Variants in CCDC192 observed in about 807,000 individuals in gnomAD.
CCDC192 encodes the protein coiled-coil domain containing 192, also known as coiled-coil domain-containing protein 192.
chr5:127,883,911 C>T (rs569227808), intron 6 of CCDC192, among the ~76,000 whole-genome samples: 4 of 152,236 alleles, frequency 2.6e-5, no homozygotes, highest in South Asian at 2.1e-4. Flanking sequence ...GAGGCTGAAC[C>T]GCGGGCTTTC....
chr5:127,921,717 G>T (rs183113809), intron 6 of CCDC192, among the ~76,000 whole-genome samples: 1 of 152,238 alleles, frequency 6.6e-6, no homozygotes, highest in Admixed American at 6.5e-5. Context: ...AATTACTGTA[G>T]TGGCCATCCA....
chr5:127,861,324 T>G (rs1441379826), intron 5 of CCDC192, among the ~76,000 whole-genome samples: 1 of 150,680 alleles, frequency 6.6e-6, no homozygotes, highest in East Asian at 2.0e-4. Context: ...GGGTAGTTTT[T>G]GAAATAAAAA....
intron 5 of CCDC192, among the ~76,000 whole-genome samples, chr5:127,846,689 C>T (rs575423738): frequency 2.6e-5 from 4 of 151,984 alleles, no homozygotes; most frequent in South Asian, 4.2e-4. Context: ...AGGCTAGTCT[C>T]GAACTCCTGG....
At chr5:127,815,365 C>T (rs1165287172) in intron 5 of CCDC192, among the ~76,000 whole-genome samples, 5 of 152,114 alleles carry the variant, frequency 3.3e-5, no homozygotes, top group African/African-American at 1.2e-4. Flanking sequence ...CATTTAGGAG[C>T]AAGTGATCAA....
chr5:127,739,189 G>C (rs575964778), intron 2 of CCDC192, among the ~76,000 whole-genome samples: 1 of 152,036 alleles, frequency 6.6e-6, no homozygotes, highest in Non-Finnish European at 1.5e-5. Flanking sequence ...ATACCCTGCC[G>C]TGTGAGGTGT....
At chr5:127,816,231 C>T (rs1428893428) in intron 5 of CCDC192, among the ~76,000 whole-genome samples, 1 of 152,074 alleles carries the variant, frequency 6.6e-6, no homozygotes, top group Non-Finnish European at 1.5e-5. Context: ...TTAAACATTA[C>T]AAAGGGTTCA....
chr5:127,729,098 G>C (rs1031845735), intron 2 of CCDC192, among the ~76,000 whole-genome samples: 3 of 151,938 alleles, frequency 2.0e-5, no homozygotes, highest in Non-Finnish European at 4.4e-5. Context: ...GTAGAGACAG[G>C]GTTTCACCAT....
intron 6 of CCDC192, among the ~76,000 whole-genome samples, chr5:127,887,515 A>T (rs1402451586): frequency 1.3e-5 from 2 of 152,038 alleles, no homozygotes; most frequent in Non-Finnish European, 2.9e-5. Flanking sequence ...AGCTGACCAG[A>T]ACAATTTTGA....
chr5:127,744,022 A>G (rs1753590769), intron 2 of CCDC192, among the ~76,000 whole-genome samples: 1 of 144,886 alleles, frequency 6.9e-6, no homozygotes, highest in Admixed American at 7.1e-5. Context: ...TGAACCCAGG[A>G]GGCAGAGCTT....
At chr5:127,785,921 A>AT (rs1051771836) in intron 3 of CCDC192, 5 of 446,454 alleles carry the variant, frequency 1.1e-5, no homozygotes, top group Non-Finnish European at 1.7e-5. Flanking sequence ...AAGGCAATGC[A>AT]TTTTTTATGA....
intron 3 of CCDC192, chr5:127,786,487 CT>C: frequency 1.6e-6 from 1 of 630,458 alleles, no homozygotes. Context: ...CATTTCCTTC[CT>C]TTTTGATCAG....
chr5:127,851,764 G>A (rs1750807382), intron 5 of CCDC192, among the ~76,000 whole-genome samples: 1 of 151,966 alleles, frequency 6.6e-6, no homozygotes, highest in Non-Finnish European at 1.5e-5. Flanking sequence ...CCTCTTTCTT[G>A]TATTTTTAAA....
chr5:127,925,875 G>A (rs1753848411), intron 6 of CCDC192, among the ~76,000 whole-genome samples: 1 of 152,108 alleles, frequency 6.6e-6, no homozygotes, highest in Non-Finnish European at 1.5e-5. Flanking sequence ...TCACTACAAA[G>A]CCCATTTGTA....
At chr5:127,834,984 T>C (rs1749969904) in intron 5 of CCDC192, among the ~76,000 whole-genome samples, 1 of 152,182 alleles carries the variant, frequency 6.6e-6, no homozygotes. Flanking sequence ...ATGAAATGGT[T>C]CCAAAACATT....
chr5:127,867,771 A>G (rs1751673840), intron 5 of CCDC192, among the ~76,000 whole-genome samples: 2 of 152,136 alleles, frequency 1.3e-5, no homozygotes, highest in South Asian at 2.1e-4. Flanking sequence ...TTTCTTTGCT[A>G]TGCTCAGCTG....
At chr5:127,728,679 C>A (rs1752469511) in intron 2 of CCDC192, among the ~76,000 whole-genome samples, 1 of 152,126 alleles carries the variant, frequency 6.6e-6, no homozygotes, top group Admixed American at 6.6e-5. Context: ...GTGACAGGAT[C>A]AAATTCACAC....
At chr5:127,916,042 C>T (rs958996508) in intron 6 of CCDC192, among the ~76,000 whole-genome samples, 5 of 152,200 alleles carry the variant, frequency 3.3e-5, no homozygotes, top group Non-Finnish European at 1.5e-5. Flanking sequence ...AAATTGAAGT[C>T]GGTCCTCTCA....
chr5:127,738,500 C>G (rs1265188257), intron 2 of CCDC192, among the ~76,000 whole-genome samples: 2 of 143,966 alleles, frequency 1.4e-5, no homozygotes, highest in Non-Finnish European at 3.0e-5. Flanking sequence ...TGGGGAAGTT[C>G]TCCTGGATAA....
chr5:127,832,304 C>G (rs554011708), intron 5 of CCDC192, among the ~76,000 whole-genome samples: 46 of 152,226 alleles, frequency 3.0e-4, no homozygotes, highest in African/African-American at 1.1e-3. Context: ...TTTACACTGG[C>G]GGAATCACTC....
Sources: allele counts gnomAD v4.1 joint callset (sites outside exome capture counted in the v4.1 genomes callset), GRCh38; gene constraint gnomAD v4.1.1; transcripts MANE v1.5; gene names NCBI Gene and HGNC (gene_info 2026-07-23, HGNC 2026-07-21).